The following ZNF503 variants were observed in gnomAD, a reference collection of about 807,000 sequenced individuals.
The protein encoded by ZNF503 is NocA-like zinc finger 2.
A neutral mutation model predicts 34.4 loss-of-function variants in ZNF503; 15 were observed. The ratio of observed to expected loss-of-function variants is 0.44; its 90% CI spans 0.29 to 0.67. The LOEUF (loss-of-function observed/expected upper bound fraction) is 0.67. Ranked by LOEUF, ZNF503 falls within the 30% of genes least tolerant of loss-of-function variation. ZNF503 has a pLI of 0.13. For synonymous variants in ZNF503, 580 were observed against 456.8 expected (o/e 1.27, Z -3.44); for missense variants, 1,007 against 926.8 (o/e 1.09, Z -1.12).
At chr10:75,393,541 C>T (rs138764634), downstream of ZNF503, among the ~76,000 whole-genome samples, 53 of 152,298 alleles carry the variant, frequency 3.5e-4, no homozygotes, top group East Asian at 9.8e-3. Flanking sequence ...ACTATTCATT[C>T]TACTGCTCTG....
the ZNF503 span, among the ~76,000 whole-genome samples, chr10:75,359,326 C>G: frequency 6.6e-6 from 1 of 152,216 alleles, no homozygotes; most frequent in Admixed American, 6.5e-5. Flanking sequence ...GCAAATTCTT[C>G]CTGAGTGACT....
At chr10:75,315,926 G>A in the ZNF503 span, among the ~76,000 whole-genome samples, 1 of 152,132 alleles carries the variant, frequency 6.6e-6, no homozygotes, top group East Asian at 1.9e-4. Context: ...CCAAAAGAGG[G>A]TGGGGTAGAC....
At chr10:75,356,531 A>C in the ZNF503 span, among the ~76,000 whole-genome samples, 1 of 152,240 alleles carries the variant, frequency 6.6e-6, no homozygotes, top group Non-Finnish European at 1.5e-5. Flanking sequence ...GAATCTTTTA[A>C]GAAAACATCA....
At position 75,400,129 on chromosome 10, in the gene ZNF503, C is replaced by T. The variant is rs1843769862; in HGVS notation, c.561G>A (p.Glu187=). 3 of 1,550,446 alleles carry T rather than the reference C, an allele frequency of 1.9e-6. No homozygotes were observed. The highest frequency in any genetic ancestry group is 2.7e-5 in the African/African-American group (2 of 72,954). ...CACCGCCTCCACCGCCGCCTCCCGG[C>T]TCCTTCTTATCCGAGCCGGGTTTGG... is the stretch of plus-strand genomic sequence containing the variant. ...PYSKPGSDKK[E]PGGGGGGGGG... Residue 187 remains glutamate, a synonymous_variant, in exon 2 of 2, where the codon GAG becomes GAA. Coordinates refer to ENST00000372524, the MANE Select transcript of ZNF503 (RefSeq NM_032772.6).
the ZNF503 span, among the ~76,000 whole-genome samples, chr10:75,290,193 A>G: frequency 2.6e-4 from 39 of 152,346 alleles, no homozygotes; most frequent in African/African-American, 8.9e-4. Context: ...GCTGAATAGT[A>G]TGCCATTGTG....
the ZNF503 span, among the ~76,000 whole-genome samples, chr10:75,354,722 AAAAC>A: frequency 2.6e-5 from 4 of 152,150 alleles, no homozygotes; most frequent in Admixed American, 2.0e-4. Flanking sequence ...AAAACAAAAC[AAAAC>A]AAACAAACAA....
rs1162302254 is a variant in ZNF503, at chr10:75,399,816, C to T, written c.874G>A (p.Val292Met). 28 of 1,603,512 alleles carry T rather than the reference C, an allele frequency of 1.7e-5. No homozygotes were observed. The highest frequency in any genetic ancestry group is 4.5e-5 in the East Asian group (2 of 44,472). ...GRISCGGGIN[V>M]DVNQHPDGGP... Reference sequence around the variant, plus strand: ...CCATCCGGATGCTGGTTCACATCCACATTAATCCCGCCGCCGCAGCTAATC... The same window carrying T: ...CCATCCGGATGCTGGTTCACATCCATATTAATCCCGCCGCCGCAGCTAATC... The change falls in exon 2 of 2, where the codon GTG becomes ATG. Residue 292 changes from valine to methionine, a missense_variant. Val to Met is a conservative substitution (Grantham distance 21). Coordinates refer to ENST00000372524, the MANE Select transcript of ZNF503 (RefSeq NM_032772.6).
At chr10:75,339,622 C>T in the ZNF503 span, among the ~76,000 whole-genome samples, 1 of 152,140 alleles carries the variant, frequency 6.6e-6, no homozygotes, top group African/African-American at 2.4e-5. Context: ...CCTATTCTGC[C>T]AACACACGGG....
chr10:75,397,086 GC>G (rs1220610882), downstream of ZNF503, among the ~76,000 whole-genome samples: 1 of 152,144 alleles, frequency 6.6e-6, no homozygotes, highest in Admixed American at 6.5e-5. Context: ...CCGGGTCCTG[GC>G]CGGGCGGGCT....
chr10:75,326,136 A>G, the ZNF503 span, among the ~76,000 whole-genome samples: 1 of 152,216 alleles, frequency 6.6e-6, no homozygotes, highest in African/African-American at 2.4e-5. Flanking sequence ...TGGAATTCCA[A>G]TGTTCATTGC....
chr10:75,333,544 C>G, the ZNF503 span, among the ~76,000 whole-genome samples: 4 of 65,226 alleles, frequency 6.1e-5, no homozygotes, highest in Admixed American at 1.4e-4. Flanking sequence ...CGGGCAGAGG[C>G]GCCCCTCACC....
At chr10:75,375,817 A>G in the ZNF503 span, among the ~76,000 whole-genome samples, 1 of 152,102 alleles carries the variant, frequency 6.6e-6, no homozygotes, top group African/African-American at 2.4e-5. Flanking sequence ...GAGCCCGCGG[A>G]ACCCATTTTT....
chr10:75,389,607 G>A, the ZNF503 span, among the ~76,000 whole-genome samples: 750 of 152,274 alleles, frequency 4.9e-3, 9 homozygotes, highest in Middle Eastern at 0.02. Context: ...GCGCATGCCT[G>A]TAATCCCAAC....
chr10:75,399,988 C>T lies in ZNF503; in HGVS notation c.702G>A (p.Ser234=), dbSNP rs757320809. ...ACAGCATACCTCCCGGCGAGCAGGC[C>T]GAGGCGCTGGAGCTCGGGCTGCCTG... ...PRTGSPSSSA[S]ACSPGGMLSS... is the part of the protein sequence containing the mutation. The change falls in exon 2 of 2, where the codon TCG becomes TCA. Residue 234 remains serine, a synonymous_variant. Transcript: ENST00000372524. 6.5e-5 allele frequency: 105 copies of T among 1,605,740 alleles called. No homozygotes were observed. Among genetic ancestry groups the T allele is most frequent in the Admixed American group, 1.0e-4 (6 of 59,872 alleles).
the ZNF503 span, among the ~76,000 whole-genome samples, chr10:75,333,179 C>T: frequency 8.0e-6 from 1 of 125,394 alleles, no homozygotes. Context: ...GTAGGGGTGG[C>T]CGGGCAGAGG....
Position 75,398,474 on chromosome 10 carries a change from T to A in ZNF503, c.*275A>T, listed in dbSNP as rs1239998495. On this transcript the variant is annotated 3_prime_UTR_variant, in exon 2 of 2. Transcript: ENST00000372524. ...GTCCTCAGATGAACACTTTCTCAAT[T>A]ATTTTTTCCTTTTTTTTTCTATAAA... 1 of 346,938 alleles carries A rather than the reference T, an allele frequency of 2.9e-6. No individual in the cohort carries two copies. Among genetic ancestry groups the A allele is most frequent in the Non-Finnish European group, 5.1e-6 (1 of 194,180 alleles). The allele number at this position is 346,938 out of a possible 1,614,324, so 21.5% of individuals were successfully genotyped here.
chr10:75,401,678 G>C lies in ZNF503; in HGVS notation c.-259C>G, dbSNP rs998151625. On this transcript the variant is annotated 5_prime_UTR_variant, in exon 1 of 2. Transcript: ENST00000372524. ...CCGGGCGGCTCGCGGTGTCCGCCTC[G>C]GGCTGCTCCCCTGCGCTGCGTTCTC... The C allele has an allele frequency of 4.6e-5, 22 of 480,616 alleles. No individual in the cohort carries two copies. In the South Asian group the frequency reaches 6.4e-4, roughly 14 times the overall value. The allele number at this position is 480,616 out of a possible 1,614,324, so 29.8% of individuals were successfully genotyped here.
At chr10:75,392,866 A>G (rs2131981353), downstream of ZNF503, among the ~76,000 whole-genome samples, 1 of 152,320 alleles carries the variant, frequency 6.6e-6, no homozygotes, top group East Asian at 1.9e-4. Context: ...CCATTTTCAA[A>G]TTTATTACTT....
At chr10:75,350,779 C>A in the ZNF503 span, among the ~76,000 whole-genome samples, 17 of 152,124 alleles carry the variant, frequency 1.1e-4, no homozygotes, top group Non-Finnish European at 7.3e-5. Flanking sequence ...GTCTTGAACT[C>A]CTGGCCACAA....
Sources: gnomAD v4.1 joint callset for allele counts (sites outside exome capture counted in the v4.1 genomes callset) on GRCh38, gnomAD v4.1.1 for gene constraint, MANE v1.5 for transcripts, NCBI Gene and HGNC (gene_info 2026-07-23, HGNC 2026-07-21) for gene names.